The following GSDMC variants were observed in gnomAD, a reference collection of about 807,000 sequenced individuals.
GSDMC encodes gasdermin C, also known as gasdermin-C.
GSDMC carries 59 observed loss-of-function variants against 58.0 expected under a neutral mutation model. The observed-to-expected ratio is 1.02, with a 90% CI of 0.82 to 1.26. The LOEUF is 1.26. GSDMC is among the 50% of genes most tolerant of loss of function. The pLI is 0.00. For missense variants in GSDMC, 659 were observed against 598.5 expected (o/e 1.10, Z -1.06); for synonymous variants, 241 against 220.2 (o/e 1.09, Z -0.83).
At chr8:129,784,863 A>T (rs1438725920) in intron 1 of GSDMC, among the ~76,000 whole-genome samples, 1 of 152,250 alleles carries the variant, frequency 6.6e-6, no homozygotes, top group Non-Finnish European at 1.5e-5. Flanking sequence ...TCAACAAATG[A>T]ACAGGTAAAC....
At chr8:129,732,207 T>G in the GSDMC span, among the ~76,000 whole-genome samples, 1 of 151,934 alleles carries the variant, frequency 6.6e-6, no homozygotes, top group African/African-American at 2.4e-5. Context: ...AAGAAAGCCC[T>G]AGTCGAACAA....
chr8:129,714,627 G>T, the GSDMC span, among the ~76,000 whole-genome samples: 3 of 149,436 alleles, frequency 2.0e-5, no homozygotes, highest in African/African-American at 7.3e-5. Flanking sequence ...ATAAGAAGTC[G>T]ATTTAAATTT....
chr8:129,772,772 C>G (rs2034104147), intron 3 of GSDMC, among the ~76,000 whole-genome samples: 1 of 152,078 alleles, frequency 6.6e-6, no homozygotes, highest in African/African-American at 2.4e-5. Context: ...TGTGCAAGGC[C>G]AGCATTACTC....
rs371524006 is a variant in GSDMC at position 129,748,217 on chromosome 8, T to C, written c.*284A>G. On this transcript the variant is annotated 3_prime_UTR_variant, in exon 14 of 14. Transcript: ENST00000276708. ...TAACTAGAGTCAGTATTTGTTTTTA[T>C]TATTTTGAAGTAAAATTTATACATA... 15 of 235,900 alleles carry C rather than the reference T, an allele frequency of 6.4e-5. No individual in the cohort carries two copies. Among genetic ancestry groups the C allele is most frequent in the African/African-American group, 3.3e-4 (15 of 44,788 alleles). The allele number at this position is 235,900 out of a possible 1,614,324, so 14.6% of individuals were successfully genotyped here. A position where few individuals can be genotyped will look rare whatever the true frequency, so the allele number is the denominator to read the frequency against.
intron 3 of GSDMC, among the ~76,000 whole-genome samples, chr8:129,774,262 C>G (rs2034151525): frequency 6.6e-6 from 1 of 152,060 alleles, no homozygotes; most frequent in Non-Finnish European, 1.5e-5. Flanking sequence ...GTATGATCAA[C>G]TAATATCTGA....
At chr8:129,763,506 TTA>T (rs2033747698) in intron 4 of GSDMC, among the ~76,000 whole-genome samples, 1 of 152,170 alleles carries the variant, frequency 6.6e-6, no homozygotes, top group Non-Finnish European at 1.5e-5. Context: ...CCACATTGCA[TTA>T]TGTCTTTGTT....
chr8:129,705,831 A>T, the GSDMC span, among the ~76,000 whole-genome samples: 1 of 152,278 alleles, frequency 6.6e-6, no homozygotes, highest in East Asian at 1.9e-4. Context: ...TTTGTCTTCA[A>T]ATATAGGAAG....
rs1306768334 is a variant in GSDMC, at chr8:129,786,490, A to C, written c.-484T>G. ...GGGTCCCTGACTCAATTTCCAATGC[A>C]GTATCCTGGAAAAATAAGCACAGGA... On this transcript the variant is annotated 5_prime_UTR_variant, in exon 1 of 14. Coordinates refer to ENST00000276708, the MANE Select transcript of GSDMC (RefSeq NM_031415.3). 1 of 152,214 alleles carries C rather than the reference A, an allele frequency of 6.6e-6. No homozygotes were observed. Among genetic ancestry groups the C allele is most frequent in the Non-Finnish European group, 1.5e-5 (1 of 68,050 alleles). 9.4% of individuals were successfully genotyped at this position (152,214 alleles called of 1,614,324 possible). A position where few individuals can be genotyped will look rare whatever the true frequency, so the allele number is the denominator to read the frequency against.
At chr8:129,745,093 C>G (rs773588525), downstream of GSDMC, among the ~76,000 whole-genome samples, 3 of 152,192 alleles carry the variant, frequency 2.0e-5, no homozygotes, top group Non-Finnish European at 4.4e-5. Context: ...ATCAAGTTTT[C>G]TTACTACAAG....
At chr8:129,724,724 T>G in the GSDMC span, among the ~76,000 whole-genome samples, 2 of 152,040 alleles carry the variant, frequency 1.3e-5, no homozygotes, top group Non-Finnish European at 2.9e-5. Flanking sequence ...GATAGCATAA[T>G]TATCCAAAAA....
chr8:129,731,304 T>G, the GSDMC span, among the ~76,000 whole-genome samples: 1 of 151,936 alleles, frequency 6.6e-6, no homozygotes, highest in African/African-American at 2.4e-5. Flanking sequence ...GATAGGGTAG[T>G]TCCCTGCCTT....
rs1166688664 is a variant in GSDMC at position 129,748,505 on chromosome 8, G to A, written c.1523C>T (p.Ala508Val). 13 of 1,603,542 alleles carry A rather than the reference G, an allele frequency of 8.1e-6. No individual in the cohort carries two copies. Among genetic ancestry groups the A allele is most frequent in the East Asian group, 2.2e-5 (1 of 44,772 alleles). ...TLSLLQQLAE[A>V] is the part of the protein sequence containing the mutation. Reference sequence around the variant, plus strand: ...TGACTGCCCATCAGGGAGGGCTTAGGCCTCAGCCAGCTGCTGCAGCAACGA... The same window carrying A: ...TGACTGCCCATCAGGGAGGGCTTAGACCTCAGCCAGCTGCTGCAGCAACGA... The change falls in exon 14 of 14, where the codon GCC becomes GTC. Residue 508 changes from alanine (A) to valine (V), a missense_variant. Transcript: ENST00000276708.
In GSDMC at chr8:129,777,588, GT is replaced by G. The variant is rs770154969; in HGVS notation, c.-2del. 1.5e-5 allele frequency: 23 copies of G among 1,548,310 alleles called. No individual in the cohort carries two copies. The Admixed American group carries it at 2.3e-4, about 16-fold the overall frequency. The stretch of plus-strand genomic sequence containing the variant: ...TAATGCGTTCCAACATGGAGGGCAT[GT>G]TGCTAGGAGGAGATGAAAGGAGAGC... On this transcript the variant is annotated splice_region_variant and 5_prime_UTR_variant, in exon 2 of 14. Transcript: ENST00000276708.
chr8:129,752,863 T>G, intron 6 of GSDMC, 43 bp from the exon 7 acceptor site: 1 of 1,613,296 alleles, frequency 6.2e-7, no homozygotes, highest in South Asian at 1.1e-5. Flanking sequence ...AACTTTACAT[T>G]GAACTCAGTA....
chr8:129,734,528 T>C, the GSDMC span, among the ~76,000 whole-genome samples: 1 of 152,144 alleles, frequency 6.6e-6, no homozygotes, highest in African/African-American at 2.4e-5. Flanking sequence ...TATCCAACAT[T>C]CCTAAAGAAA....
At chr8:129,707,345 G>A in the GSDMC span, among the ~76,000 whole-genome samples, 1 of 152,108 alleles carries the variant, frequency 6.6e-6, no homozygotes, top group African/African-American at 2.4e-5. Context: ...TCAAAATGCA[G>A]GGAAAACATG....
the GSDMC span, among the ~76,000 whole-genome samples, chr8:129,720,268 T>C: frequency 6.6e-6 from 1 of 152,210 alleles, no homozygotes; most frequent in Non-Finnish European, 1.5e-5. Flanking sequence ...TCATCCTTTG[T>C]AGGCTAAAGA....
chr8:129,753,936 G>A (rs575261905), intron 6 of GSDMC, among the ~76,000 whole-genome samples: 2 of 152,272 alleles, frequency 1.3e-5, no homozygotes, highest in East Asian at 1.9e-4. Flanking sequence ...AGGGAAGAGT[G>A]GGGAAAACTT....
At chr8:129,741,064 A>T in the GSDMC span, among the ~76,000 whole-genome samples, 2 of 151,732 alleles carry the variant, frequency 1.3e-5, no homozygotes, top group Non-Finnish European at 2.9e-5. Context: ...CTGAATGTGG[A>T]TATCCAGTTT....
Sources: allele counts gnomAD v4.1 joint callset (sites outside exome capture counted in the v4.1 genomes callset), GRCh38; gene constraint gnomAD v4.1.1; transcripts MANE v1.5; gene names NCBI Gene and HGNC (gene_info 2026-07-23, HGNC 2026-07-21).